Variants in DCTN1 observed in about 807,000 individuals in gnomAD.
DCTN1 encodes 150 kDa dynein-associated polypeptide.
Under a neutral mutation model 161.2 loss-of-function variants are expected in DCTN1, and 61 were observed. The ratio of observed to expected loss-of-function variants is 0.38; its 90% CI spans 0.31 to 0.47. The LOEUF is 0.47. DCTN1 is among the 20% of genes least tolerant of loss of function. The probability of loss-of-function intolerance (pLI) is 0.99; values close to 1 mark genes in which losing one functional copy is unlikely to be tolerated. For synonymous variants in DCTN1, 653 were observed against 632.4 expected (o/e 1.03, Z -0.49); for missense variants, 1,404 against 1,623.7 (o/e 0.86, Z 2.33).
At chr2:74,378,506 C>T (rs532915301) in intron 1 of DCTN1, among the ~76,000 whole-genome samples, 12 of 152,158 alleles carry the variant, frequency 7.9e-5, no homozygotes, top group Non-Finnish European at 1.8e-4. Context: ...AATTCATTGA[C>T]CAGTCTGTGA....
At chr2:74,365,422 T>C (rs762874439) in intron 25 of DCTN1, 93 bp downstream of exon 25, 2 of 1,594,590 alleles carry the variant, frequency 1.3e-6, no homozygotes, top group Non-Finnish European at 8.6e-7. Flanking sequence ...AGTCTCACTA[T>C]AAGAGAACCT....
chr2:74,366,264 C>T lies in DCTN1; in HGVS notation c.2740G>A (p.Ala914Thr). ...CCTACCTTGCTGGGGGGCCGCTCTG[C>T]ATCATACTCCCCCTCCTGCATGGCT... Reference protein sequence around the residue: ...ATAMQEGEYDAERPPSKPPPV... With the variant: ...ATAMQEGEYDTERPPSKPPPV... Residue 914 changes from alanine to threonine, a missense_variant, in exon 23 of 32, where the codon GCA (alanine) becomes ACA (threonine). Ala to Thr is a moderately conservative substitution (Grantham distance 58, BLOSUM62 0). Coordinates refer to ENST00000628224, the MANE Select transcript of DCTN1 (RefSeq NM_004082.5). 1 of 1,614,202 alleles carries T rather than the reference C, an allele frequency of 6.2e-7. No individual in the cohort carries two copies. Among genetic ancestry groups the T allele is most frequent in the Non-Finnish European group, 8.5e-7 (1 of 1,180,028 alleles).
At chr2:74,378,280 C>T (rs1348157396) in intron 1 of DCTN1, 35 bp from the exon 2 acceptor site, 1 of 1,600,156 alleles carries the variant, frequency 6.2e-7, no homozygotes, top group South Asian at 1.1e-5. Context: ...CAGTTAGAGG[C>T]CTCAGATCAA....
chr2:74,377,372 C>T, intron 4 of DCTN1, 60 bp downstream of exon 4: 2 of 1,440,912 alleles, frequency 1.4e-6, no homozygotes, highest in Non-Finnish European at 9.8e-7. Context: ...ACTGGGTATC[C>T]CTCCTCTTTC....
intron 7 of DCTN1, 82 bp downstream of exon 7, chr2:74,372,844 TCA>T: frequency 7.3e-7 from 1 of 1,364,376 alleles, no homozygotes; most frequent in Non-Finnish European, 1.1e-6. Context: ...TTTCACTTGC[TCA>T]TACACGTGCC....
intron 7 of DCTN1, among the ~76,000 whole-genome samples, chr2:74,372,290 C>T (rs1175316211): frequency 6.6e-6 from 1 of 152,226 alleles, no homozygotes; most frequent in African/African-American, 2.4e-5. Context: ...CAGTCTATTT[C>T]AGAGGACCCT....
intron 6 of DCTN1, 44 bp downstream of exon 6, chr2:74,374,279 T>G: frequency 9.1e-6 from 6 of 659,674 alleles, no homozygotes; most frequent in East Asian, 9.8e-5. Flanking sequence ...GCTGCCACCA[T>G]TGCCCTGGCA....
chr2:74,364,960 G>T, intron 26 of DCTN1, 115 bp downstream of exon 26: 3 of 1,327,280 alleles, frequency 2.3e-6, no homozygotes, highest in Non-Finnish European at 3.2e-6. Context: ...GTGTAAGCAT[G>T]TTCCTGGCTG....
At position 74,365,984 on chromosome 2, in the gene DCTN1, C is replaced by T. The variant is rs767725965; in HGVS notation, c.2795G>A (p.Arg932His). Residue 932 changes from arginine to histidine, a missense_variant, in exon 24 of 32, where the codon CGT becomes CAT. By Grantham distance (29) the Arg-to-His change is conservative (BLOSUM62 0). This residue lies in a region of DCTN1 where 475 missense variants were observed against 489.8 expected (regional missense o/e 0.97). Coordinates refer to ENST00000628224, the MANE Select transcript of DCTN1 (RefSeq NM_004082.5). ...GCCTTCAGCATCTGTGATCTCTGCACGAAGGGCAGCAGCCCGCAGTTCAAC... is the reference window on the plus strand; with the variant it reads ...GCCTTCAGCATCTGTGATCTCTGCATGAAGGGCAGCAGCCCGCAGTTCAAC... ...PPVELRAAALRAEITDAEGLG... is the reference protein window; with the variant it reads ...PPVELRAAALHAEITDAEGLG... The T allele has an allele frequency of 1.8e-5, 29 of 1,614,170 alleles. No homozygotes were observed. The highest frequency in any genetic ancestry group is 4.5e-5 in the East Asian group (2 of 44,876).
exon 1 of DCTN1, chr2:74,391,851 A>T (rs927954716): frequency 2.2e-6 from 1 of 451,890 alleles, no homozygotes; most frequent in African/African-American, 2.0e-5. Context: ...GACGCCCAAG[A>T]CCCTGCGGGG....
upstream of DCTN1, among the ~76,000 whole-genome samples, chr2:74,381,291 G>A (rs1192263531): frequency 6.6e-6 from 1 of 152,152 alleles, no homozygotes; most frequent in East Asian, 1.9e-4. Flanking sequence ...ACTGAGTATG[G>A]TATGGATCTA....
intron 6 of DCTN1, chr2:74,374,114 C>A (rs1010803931): frequency 1.6e-6 from 1 of 631,206 alleles, no homozygotes; most frequent in Non-Finnish European, 2.9e-6. Flanking sequence ...GGAACACAGG[C>A]AGAGCCAAAA....
In DCTN1 at chr2:74,362,748, G is replaced by A. The variant is rs1264529520; in HGVS notation, c.3530-19C>T. Reference sequence around the variant, plus strand: ...TTGGCAGCTGTGGGGAGAGAAAGCTGGTGAGGCCCACCAAGGCGCAGGCAG... The same window carrying A: ...TTGGCAGCTGTGGGGAGAGAAAGCTAGTGAGGCCCACCAAGGCGCAGGCAG... On this transcript the variant is annotated intron_variant, in intron 29 of 31. Coordinates refer to ENST00000628224, the MANE Select transcript of DCTN1 (RefSeq NM_004082.5). The A allele has an allele frequency of 5.0e-6, 8 of 1,612,936 alleles. No homozygotes were observed. In the South Asian group the frequency reaches 8.8e-5, roughly 18 times the overall value.
chr2:74,377,895 C>T (rs550680168), intron 2 of DCTN1, 105 bp downstream of exon 2: 922 of 1,546,000 alleles, frequency 6.0e-4, no homozygotes, highest in Non-Finnish European at 7.6e-4. Context: ...CTCTCCCAAC[C>T]AGAGGCTTAT....
Position 74,367,105 on chromosome 2 carries a change from G to C in DCTN1, c.2256C>G (p.Phe752Leu), listed in dbSNP as rs1674477140. 3 of 1,614,080 alleles carry C rather than the reference G, an allele frequency of 1.9e-6. No homozygotes were observed. The African/African-American group carries it at 4.0e-5, about 22-fold the overall frequency. ...TCATGCAGTCCAGAGCACTCTGCGT[G>C]AACTGTGAGGATAGAAGCATGCAAT... is the stretch of plus-strand genomic sequence containing the variant. Reference protein sequence around the residue: ...CTMQLADHIKFTQSALDCMSV... With the variant: ...CTMQLADHIKLTQSALDCMSV... The change falls in exon 20 of 32, where the codon TTC becomes TTG. Residue 752 changes from phenylalanine (F) to leucine (L), a missense_variant and splice_region_variant. Around this residue, in one of 9 missense-constraint regions of DCTN1, gnomAD observed 475 missense variants for 489.8 expected, o/e 0.97. Transcript: ENST00000628224.
rs1674714653 is a variant in DCTN1 at position 74,369,994 on chromosome 2, G to A, written c.1363C>T (p.Arg455Cys). Residue 455 changes from arginine (R) to cysteine (C), a missense_variant, in exon 13 of 32, where the codon CGC becomes TGC. By Grantham distance (180) the Arg-to-Cys change is radical (BLOSUM62 -3). Around this residue, in one of 9 missense-constraint regions of DCTN1, gnomAD observed 278 missense variants for 363.8 expected, o/e 0.76. Coordinates refer to ENST00000628224, the MANE Select transcript of DCTN1 (RefSeq NM_004082.5). The surrounding 1 kb of genome is among the most constrained non-coding windows in gnomAD (Gnocchi z 4.9). ...DRNLNLEEKV[R>C]ELRETVGDLE... ...TCTCCCACAGTCTCCCTCAACTCGC[G>A]CACTTTCTCTTCCAGATTCAGGTTC... The A allele has an allele frequency of 6.2e-6, 10 of 1,613,960 alleles. No individual in the cohort carries two copies. Among genetic ancestry groups the A allele is most frequent in the African/African-American group, 2.7e-5 (2 of 74,894 alleles).
chr2:74,382,555 C>T (rs1483071625), upstream of DCTN1, among the ~76,000 whole-genome samples: 1 of 146,416 alleles, frequency 6.8e-6, no homozygotes, highest in African/African-American at 2.6e-5. Flanking sequence ...GAGCCAAGGT[C>T]GCACCACTGC....
Position 74,371,582 on chromosome 2 carries a change from G to A in DCTN1, c.600C>T (p.Val200=). ...GGGGGACTGCTCCAGGAGAGGTGAG[G>A]ACCGGCGTGGGGATGATGGGTGCTG... The part of the protein sequence containing the change: ...PLAAPIIPTP[V]LTSPGAVPPL... The change falls in exon 8 of 32, where the codon GTC becomes GTT. Residue 200 remains valine, a synonymous_variant. Coordinates refer to ENST00000628224, the MANE Select transcript of DCTN1 (RefSeq NM_004082.5). 1.9e-6 allele frequency: 3 copies of A among 1,586,398 alleles called. No homozygotes were observed. Among genetic ancestry groups the A allele is most frequent in the Non-Finnish European group, 2.6e-6 (3 of 1,166,712 alleles).
In DCTN1 at chr2:74,363,021, C is replaced by T. The variant is rs373550911; in HGVS notation, c.3502G>A (p.Val1168Ile). The part of the protein sequence containing the change: ...TLNQLSTHTH[V>I]VDITRTSPAA... ...GGGCTGGTGCGAGTGATGTCTACTA[C>T]GTGCGTGTGTGTGCTCAATTGATTC... The change falls in exon 29 of 32, where the codon GTA becomes ATA. Residue 1168 changes from valine (V) to isoleucine (I), a missense_variant. Physicochemically the swap from Val to Ile is conservative, Grantham distance 29. Around this residue, in one of 9 missense-constraint regions of DCTN1, gnomAD observed 311 missense variants for 298.9 expected, o/e 1.04. Coordinates refer to ENST00000628224, the MANE Select transcript of DCTN1 (RefSeq NM_004082.5). 14 of 1,613,498 alleles carry T rather than the reference C, an allele frequency of 8.7e-6. No homozygotes were observed. The highest frequency in any genetic ancestry group is 4.5e-5 in the East Asian group (2 of 44,892).
Sources: allele counts gnomAD v4.1 joint callset (sites outside exome capture counted in the v4.1 genomes callset), GRCh38; gene constraint gnomAD v4.1.1; regional missense constraint gnomAD v4.1.1; non-coding constraint Gnocchi (gnomAD v3.1); transcripts MANE v1.5; gene names NCBI Gene and HGNC (gene_info 2026-07-23, HGNC 2026-07-21).